Variants in ZMYND11 observed in about 807,000 individuals in gnomAD.
The protein encoded by ZMYND11 is zinc finger MYND domain-containing protein 11.
A neutral mutation model predicts 84.9 loss-of-function variants in ZMYND11; 9 were observed. That is an observed-to-expected ratio of 0.11 (90% CI 0.06 to 0.18). The LOEUF (loss-of-function observed/expected upper bound fraction) is 0.18, where lower values mean the gene tolerates loss of function less well. Ranked by LOEUF, ZMYND11 falls within the 10% of genes least tolerant of loss-of-function variation. ZMYND11 has a pLI of 1.00. For missense variants in ZMYND11, 409 were observed against 761.0 expected, an observed-to-expected ratio of 0.54 and a Z score of 5.44; for synonymous variants, 250 against 244.1, an observed-to-expected ratio of 1.02 and a Z score of -0.23.
At chr10:196,950 T>C (rs1941898130) in intron 2 of ZMYND11, among the ~76,000 whole-genome samples, 1 of 152,142 alleles carries the variant, frequency 6.6e-6, no homozygotes, top group African/African-American at 2.4e-5. Context: ...GGTGGAGTGC[T>C]TTTAGTTCAC....
intron 7 of ZMYND11, chr10:239,817 C>T: frequency 3.7e-6 from 2 of 543,858 alleles, no homozygotes; most frequent in Non-Finnish European, 6.4e-6. Flanking sequence ...GATCATTTCC[C>T]CACTAGTACC....
intron 2 of ZMYND11, among the ~76,000 whole-genome samples, chr10:196,583 C>T (rs937085665): frequency 2.6e-5 from 4 of 151,946 alleles, no homozygotes; most frequent in African/African-American, 9.7e-5. Flanking sequence ...ATTTGATAAT[C>T]GTTGAAATTT....
chr10:212,877 A>G (rs559471272), intron 3 of ZMYND11, among the ~76,000 whole-genome samples: 1 of 152,178 alleles, frequency 6.6e-6, no homozygotes, highest in Non-Finnish European at 1.5e-5. Flanking sequence ...GAGGTTTTCC[A>G]TTAGAACACT....
chr10:132,580 G>A (rs1588305997), upstream of ZMYND11, among the ~76,000 whole-genome samples: 1 of 152,168 alleles, frequency 6.6e-6, no homozygotes, highest in South Asian at 2.1e-4. Context: ...ACAGCCATCT[G>A]CAGCAGTCCA....
intron 1 of ZMYND11, among the ~76,000 whole-genome samples, chr10:158,412 C>CTTTTTTTTTTTT (rs372896551): frequency 7.0e-6 from 1 of 142,484 alleles, no homozygotes. Context: ...TTGTCTTTTC[C>CTTTTTTTTTTTT]TTTTTTTTTT....
chr10:136,258 G>A (rs941014599), intron 1 of ZMYND11, among the ~76,000 whole-genome samples: 2 of 152,166 alleles, frequency 1.3e-5, no homozygotes, highest in African/African-American at 2.4e-5. Flanking sequence ...GCCGGGACCC[G>A]GACTTTCACT....
intron 2 of ZMYND11, among the ~76,000 whole-genome samples, chr10:190,687 C>A (rs1392354022): frequency 6.6e-6 from 1 of 152,170 alleles, no homozygotes; most frequent in Non-Finnish European, 1.5e-5. Flanking sequence ...TCTTTTCATA[C>A]CCAGCGTCTC....
At chr10:145,982 A>G (rs940228420) in intron 1 of ZMYND11, among the ~76,000 whole-genome samples, 5 of 152,070 alleles carry the variant, frequency 3.3e-5, no homozygotes, top group African/African-American at 7.2e-5. Context: ...GGTTTTTCCT[A>G]TGGTTTCTTC....
At chr10:151,244 G>A (rs1554756932) in intron 1 of ZMYND11, among the ~76,000 whole-genome samples, 1 of 152,164 alleles carries the variant, frequency 6.6e-6, no homozygotes, top group Non-Finnish European at 1.5e-5. Context: ...AGAGAAGAAG[G>A]CTTCAGACGA....
intron 1 of ZMYND11, among the ~76,000 whole-genome samples, chr10:154,258 C>T (rs1841141273): frequency 6.6e-6 from 1 of 152,160 alleles, no homozygotes; most frequent in Non-Finnish European, 1.5e-5. Flanking sequence ...CACTATAATT[C>T]ATACCTGAAC....
chr10:170,431 C>CGT (rs147441773), intron 1 of ZMYND11, among the ~76,000 whole-genome samples: 118,563 of 147,698 alleles, frequency 0.8, 47,668 homozygotes, highest in East Asian at 0.93. Context: ...ATTATGTGTG[C>CGT]GTGTGTGTGT....
chr10:185,197 C>T (rs1487357113), intron 2 of ZMYND11, among the ~76,000 whole-genome samples: 1 of 152,056 alleles, frequency 6.6e-6, no homozygotes, highest in African/African-American at 2.4e-5. Context: ...CTTTGTTGGG[C>T]ATTTTACCCT....
chr10:250,775 A>G (rs550828869), intron 14 of ZMYND11, among the ~76,000 whole-genome samples: 283 of 152,232 alleles, frequency 1.9e-3, no homozygotes, highest in Admixed American at 3.6e-3. Flanking sequence ...CGGTGCTCAC[A>G]CCTGTAATTC....
intron 1 of ZMYND11, among the ~76,000 whole-genome samples, chr10:157,007 T>C (rs1278321063): frequency 6.6e-6 from 1 of 152,202 alleles, no homozygotes; most frequent in Non-Finnish European, 1.5e-5. Context: ...TTTTTTTAAC[T>C]GAATTTTACA....
At chr10:186,048 C>T (rs552772173) in intron 2 of ZMYND11, among the ~76,000 whole-genome samples, 3 of 149,046 alleles carry the variant, frequency 2.0e-5, no homozygotes, top group Middle Eastern at 3.5e-3. Context: ...CTGGCTCTTT[C>T]GCCCAGGTTG....
rs926440385 is a variant in ZMYND11, at chr10:184,157, G to A, written c.116+4029G>A. Among the ~76,000 whole-genome samples, 8 of 152,074 alleles carry A rather than the reference G, an allele frequency of 5.3e-5. No individual in the cohort carries two copies. The East Asian group carries it at 1.3e-3, about 26-fold the overall frequency. On this transcript the variant is annotated intron_variant, in intron 2 of 14. Coordinates refer to ENST00000381604, the MANE Select transcript of ZMYND11 (RefSeq NM_001370100.5). ...TACTTTCTGACATGGTGAGAATCATGGTTCTCAGGGACATCATCTGTGATA... is the reference window on the plus strand; with the variant it reads ...TACTTTCTGACATGGTGAGAATCATAGTTCTCAGGGACATCATCTGTGATA...
At chr10:152,888 A>G (rs1285483228) in intron 1 of ZMYND11, among the ~76,000 whole-genome samples, 1 of 152,264 alleles carries the variant, frequency 6.6e-6, no homozygotes, top group Non-Finnish European at 1.5e-5. Flanking sequence ...CAATCAAACT[A>G]GAACTCAGGA....
chr10:195,969 C>T (rs1425472219), intron 2 of ZMYND11, among the ~76,000 whole-genome samples: 4 of 152,124 alleles, frequency 2.6e-5, no homozygotes, highest in Non-Finnish European at 4.4e-5. Context: ...GTAAGGACAG[C>T]GGGTCATATA....
chr10:202,703 G>C (rs975559356), intron 2 of ZMYND11, among the ~76,000 whole-genome samples: 2 of 152,120 alleles, frequency 1.3e-5, no homozygotes, highest in African/African-American at 4.8e-5. Context: ...ATTCCAACCT[G>C]CTCTTCATGG....
Sources: allele counts gnomAD v4.1 joint callset (sites outside exome capture counted in the v4.1 genomes callset), GRCh38; gene constraint gnomAD v4.1.1; transcripts MANE v1.5; gene names NCBI Gene and HGNC (gene_info 2026-07-23, HGNC 2026-07-21).